Variants in MADD observed in about 807,000 individuals in gnomAD.
The protein encoded by MADD is MAP kinase-activating death domain protein.
A neutral mutation model predicts 176.7 loss-of-function variants in MADD; 109 were observed. The ratio of observed to expected loss-of-function variants is 0.62; its 90% CI spans 0.53 to 0.72. The LOEUF (loss-of-function observed/expected upper bound fraction) is 0.72. MADD is among the 30% of genes least tolerant of loss of function. The pLI is 0.00. For synonymous variants in MADD, 771 were observed against 771.3 expected (o/e 1.00, Z 0.01); for missense variants, 1,914 against 2,045.5 (o/e 0.94, Z 1.24).
intron 7 of MADD, among the ~76,000 whole-genome samples, chr11:47,279,474 T>TTCTGAGTTC (rs2054180802): frequency 6.7e-6 from 1 of 149,032 alleles, no homozygotes; most frequent in Non-Finnish European, 1.5e-5. Flanking sequence ...AAGCTCTGCC[T>TTCTGAGTTC]TCTGAGTTCA....
At chr11:47,296,884 C>T (rs542822343) in intron 22 of MADD, among the ~76,000 whole-genome samples, 22 of 151,380 alleles carry the variant, frequency 1.5e-4, no homozygotes, top group Non-Finnish European at 2.4e-4. Context: ...AAGTGATCCT[C>T]CCACCTCAGC....
chr11:47,324,716 G>A (rs1193077124), intron 30 of MADD, 139 bp downstream of exon 33: 1 of 727,878 alleles, frequency 1.4e-6, no homozygotes, highest in South Asian at 1.5e-5. Context: ...GCTGGACCCA[G>A]GAAAGAAACC....
exon 9 of MADD, chr11:47,282,568 G>A (rs2057707625): frequency 1.2e-6 from 2 of 1,614,088 alleles, no homozygotes; most frequent in African/African-American, 1.3e-5. Flanking sequence ...GTACTTTGGG[G>A]AATGGATCCT....
chr11:47,302,253 G>A (rs182362317), intron 22 of MADD, among the ~76,000 whole-genome samples: 22 of 151,924 alleles, frequency 1.4e-4, no homozygotes, highest in South Asian at 1.2e-3. Flanking sequence ...TCACTCTGTC[G>A]CCCAGGCTGG....
chr11:47,274,223 T>G (rs1049784332), intron 2 of MADD, among the ~76,000 whole-genome samples: 12 of 152,230 alleles, frequency 7.9e-5, no homozygotes, highest in African/African-American at 1.2e-4. Flanking sequence ...TTTCTTATTT[T>G]GTAAAAAGAA....
chr11:47,328,520 C>T, intron 31 of MADD, 138 bp from the exon 36 acceptor site: 3 of 1,520,150 alleles, frequency 2.0e-6, no homozygotes, highest in Non-Finnish European at 1.8e-6. Context: ...CCTGTCATAG[C>T]CTAAGCTGCT....
chr11:47,317,629 A>G (rs4752979), intron 27 of MADD, among the ~76,000 whole-genome samples: 47,821 of 151,836 alleles, frequency 0.31, 8,745 homozygotes, highest in East Asian at 0.64. Flanking sequence ...TACGCTTCCT[A>G]TTGCCTCATA....
chr11:47,284,473 A>G (rs2059245164), exon 12 of MADD: 1 of 1,614,158 alleles, frequency 6.2e-7, no homozygotes, highest in Non-Finnish European at 8.5e-7. Context: ...TGGCCCAGAC[A>G]GTGAGAACTC....
intron 4 of MADD, 52 bp from the exon 5 acceptor site, chr11:47,276,680 G>A: frequency 1.3e-6 from 2 of 1,597,112 alleles, no homozygotes; most frequent in Non-Finnish European, 1.7e-6. Context: ...CTGTTTTCTT[G>A]TAAACCATAT....
At chr11:47,286,563 AG>A in intron 15 of MADD, 29 bp downstream of exon 15, 4 of 1,554,812 alleles carry the variant, frequency 2.6e-6, no homozygotes, top group Non-Finnish European at 3.5e-6. Flanking sequence ...TTGCCAAGCC[AG>A]GTTTCTCCGG....
intron 30 of MADD, 108 bp downstream of exon 33, chr11:47,324,685 G>A: frequency 1.3e-6 from 1 of 783,384 alleles, no homozygotes; most frequent in Non-Finnish European, 2.2e-6. Context: ...GCCCTCTGGA[G>A]CTAGAGGGAG....
chr11:47,287,050 G>C (rs541184222), intron 15 of MADD, among the ~76,000 whole-genome samples: 1 of 152,230 alleles, frequency 6.6e-6, no homozygotes, highest in Admixed American at 6.5e-5. Flanking sequence ...TGAAAGCCAG[G>C]CGCGGTGGCT....
intron 3 of MADD, 109 bp from the exon 4 acceptor site, chr11:47,275,790 A>C (rs1473244795): frequency 9.2e-7 from 1 of 1,086,276 alleles, no homozygotes; most frequent in Non-Finnish European, 1.3e-6. Context: ...TTTCTTAATG[A>C]TGCTCCGTTT....
chr11:47,307,289 G>T (rs2083608890), intron 22 of MADD, among the ~76,000 whole-genome samples: 1 of 152,126 alleles, frequency 6.6e-6, no homozygotes, highest in Non-Finnish European at 1.5e-5. Context: ...AAATAGGTAT[G>T]ATGGAGTATC....
chr11:47,281,097 A>G (rs1173216172), intron 7 of MADD, among the ~76,000 whole-genome samples: 6 of 152,178 alleles, frequency 3.9e-5, no homozygotes, highest in African/African-American at 1.4e-4. Flanking sequence ...GCTCTCGACC[A>G]GTGGTCTTCA....
intron 25 of MADD, among the ~76,000 whole-genome samples, chr11:47,310,574 A>AT (rs961341992): frequency 1.4e-4 from 21 of 148,780 alleles, no homozygotes; most frequent in South Asian, 4.3e-4. Flanking sequence ...CAATGAATTA[A>AT]TTTTTTTTTT....
At chr11:47,290,637 C>T (rs2064371092) in exon 19 of MADD, 4 of 1,613,900 alleles carry the variant, frequency 2.5e-6, no homozygotes, top group Non-Finnish European at 3.4e-6. Context: ...AGAAGTCCAA[C>T]AGAAAGTGTA....
At chr11:47,297,789 CTTT>C (rs35063043) in intron 22 of MADD, among the ~76,000 whole-genome samples, 1 of 113,382 alleles carries the variant, frequency 8.8e-6, no homozygotes, top group Non-Finnish European at 1.8e-5. Context: ...TTCTTTCTTT[CTTT>C]TTTTTTTTTT....
At position 47,326,863 on chromosome 11, in the gene MADD, C is replaced by T. The variant is rs2290147; in HGVS notation, c.4612+56C>T. 1.0e-4 allele frequency: 163 copies of T among 1,609,350 alleles called. No homozygotes were observed. The East Asian group carries it at 2.0e-3, about 20-fold the overall frequency. ...ACTCACATGGCAGTAACTCAAACCT[C>T]GGAGCTCCAGAGGAGGGTCTAGGGG... is the stretch of plus-strand genomic sequence containing the variant. On this transcript the variant is annotated intron_variant, in intron 31 of 32. Transcript: ENST00000402192.
Sources: gnomAD v4.1 joint callset for allele counts (sites outside exome capture counted in the v4.1 genomes callset) on GRCh38, gnomAD v4.1.1 for gene constraint, MANE v1.5 for transcripts, NCBI Gene and HGNC (gene_info 2026-07-23, HGNC 2026-07-21) for gene names.